DUSP22: variants seen among roughly 807,000 people sequenced by gnomAD.
DUSP22 encodes the protein dual specificity protein phosphatase 22.
DUSP22 carries 24 observed loss-of-function variants against 24.5 expected under a neutral mutation model. The ratio of observed to expected loss-of-function variants is 0.98; its 90% CI spans 0.71 to 1.38. DUSP22 has a LOEUF of 1.38. Ranked by LOEUF, DUSP22 falls within the 40% of genes most tolerant of loss-of-function variation. The probability of loss-of-function intolerance (pLI) is 0.00; values close to 1 mark genes in which losing one functional copy is unlikely to be tolerated. For synonymous variants in DUSP22, 160 were observed against 106.4 expected (o/e 1.50, Z -3.10); for missense variants, 330 against 269.2 (o/e 1.23, Z -1.58).
chr6:337,599 T>A (rs948835146), intron 4 of DUSP22, among the ~76,000 whole-genome samples: 1 of 152,304 alleles, frequency 6.6e-6, no homozygotes, highest in Non-Finnish European at 1.5e-5. Flanking sequence ...TCACCTTTGG[T>A]GCTGAAGGAC....
intron 1 of DUSP22, among the ~76,000 whole-genome samples, chr6:295,436 T>C (rs1757280121): frequency 6.6e-6 from 1 of 152,168 alleles, no homozygotes; most frequent in Admixed American, 6.5e-5. Context: ...ATACAGAAGA[T>C]GGAGGGGAAA....
rs140535527 is a variant in DUSP22 at position 311,902 on chromosome 6, G to A, written c.78G>A (p.Leu26=). Residue 26 remains leucine, a synonymous_variant, in exon 3 of 7, where the codon TTG becomes TTA. Transcript: ENST00000419235. ...CAGATGCCAGAGACGCGGAACAATT[G>A]AGCAAGAACAAGGTGACACATATTC... is the stretch of plus-strand genomic sequence containing the variant. The part of the protein sequence containing the change: ...NFKDARDAEQ[L]SKNKVTHILS... 5.2e-5 allele frequency: 84 copies of A among 1,611,710 alleles called. No homozygotes were observed. The African/African-American group carries it at 9.6e-4, about 18-fold the overall frequency.
intron 3 of DUSP22, among the ~76,000 whole-genome samples, chr6:322,617 C>T (rs765776193): frequency 1.4e-4 from 21 of 152,392 alleles, no homozygotes; most frequent in East Asian, 5.8e-4. Context: ...TTCTGTAAGG[C>T]GTTTGAAAGA....
intron 4 of DUSP22, among the ~76,000 whole-genome samples, chr6:335,397 C>T (rs1224092125): frequency 3.3e-5 from 5 of 152,302 alleles, no homozygotes; most frequent in Admixed American, 6.5e-5. Flanking sequence ...GACTCATGGG[C>T]TGTCCACAAG....
At position 329,843 on chromosome 6, in the gene DUSP22, A is replaced by G. The variant is rs528565515; in HGVS notation, c.139-5271A>G. Among the ~76,000 whole-genome samples the G allele has an allele frequency of 5.6e-4, 86 of 152,370 alleles. No homozygotes were observed. In the South Asian group the frequency reaches 9.8e-3, roughly 17 times the overall value. The stretch of plus-strand genomic sequence containing the variant: ...GAGTCTTCTGCTGTGTGTGTTTCTC[A>G]TCATAGTGTTACAAGCTGTGACCTT... On this transcript the variant is annotated intron_variant, in intron 3 of 6. Coordinates refer to ENST00000419235, the MANE Select transcript of DUSP22 (RefSeq NM_001286555.3).
intron 1 of DUSP22, among the ~76,000 whole-genome samples, chr6:302,844 G>T (rs1398566504): frequency 1.3e-5 from 2 of 152,304 alleles, no homozygotes; most frequent in South Asian, 4.1e-4. Context: ...AGGAACAAGG[G>T]TGGATGGAAA....
intron 1 of DUSP22, among the ~76,000 whole-genome samples, chr6:296,925 C>T (rs1437165560): frequency 6.6e-6 from 1 of 152,306 alleles, no homozygotes; most frequent in Non-Finnish European, 1.5e-5. Context: ...TTCCTCCCTG[C>T]TGTGTGTCCT....
At chr6:304,573 A>G (rs1757735594) in intron 1 of DUSP22, 55 bp from the exon 2 acceptor site, 1 of 1,613,320 alleles carries the variant, frequency 6.2e-7, no homozygotes. Context: ...CCCCTTCTGC[A>G]ATACCATCCA....
At chr6:338,328 T>C (rs1759452139) in intron 4 of DUSP22, among the ~76,000 whole-genome samples, 1 of 152,306 alleles carries the variant, frequency 6.6e-6, no homozygotes, top group Admixed American at 6.5e-5. Flanking sequence ...GAGTTTCTTT[T>C]TACCTGTTAC....
chr6:296,420 A>C lies in DUSP22; in HGVS notation c.21+3860A>C, dbSNP rs1476537677. ...GGTGAGTAGCAGAGCCTGGACTCAA[A>C]GCCACAGTCTGGCTCGGCCACAATG... On this transcript the variant is annotated intron_variant, in intron 1 of 6. Coordinates refer to ENST00000419235, the MANE Select transcript of DUSP22 (RefSeq NM_001286555.3). Among the ~76,000 whole-genome samples the C allele has an allele frequency of 6.6e-5, 10 of 152,412 alleles. No individual in the cohort carries two copies. In the East Asian group the frequency reaches 1.9e-3, roughly 29 times the overall value.
chr6:313,433 A>G (rs1319498198), intron 3 of DUSP22, among the ~76,000 whole-genome samples: 1 of 152,310 alleles, frequency 6.6e-6, no homozygotes, highest in African/African-American at 2.4e-5. Flanking sequence ...CGAGTAAAGC[A>G]GGTGGGTTTG....
chr6:304,444 C>A (rs1257461400), intron 1 of DUSP22, among the ~76,000 whole-genome samples, 184 bp from the exon 2 acceptor site: 1 of 152,308 alleles, frequency 6.6e-6, no homozygotes, highest in Non-Finnish European at 1.5e-5. Context: ...AGTCGATGGG[C>A]ACCAACCCAC....
In DUSP22 at chr6:345,901, T is replaced by C. The variant is rs2127421528; in HGVS notation, c.236T>C (p.Leu79Pro). The part of the protein sequence containing the change: ...ESIKFIHECR[L>P]RGESCLVHCL... The stretch of plus-strand genomic sequence containing the variant: ...ATTAAATTCATTCACGAGTGCCGGC[T>C]CCGCGGTGAGAGCTGCCTTGTACAC... Residue 79 changes from leucine to proline, a missense_variant, in exon 5 of 7, where the codon CTC becomes CCC. Physicochemically the swap from Leu to Pro is moderately conservative, Grantham distance 98. Transcript: ENST00000419235. 6.2e-7 allele frequency: 1 copy of C among 1,614,294 alleles called. No homozygotes were observed. The highest frequency in any genetic ancestry group is 2.2e-5 in the East Asian group (1 of 44,896).
intron 6 of DUSP22, 37 bp from the exon 7 acceptor site, chr6:348,732 G>T (rs781469494): frequency 2.5e-6 from 4 of 1,613,554 alleles, no homozygotes; most frequent in Admixed American, 1.7e-5. Context: ...ACGTGCACAT[G>T]TGTGTGACGT....
Position 319,094 on chromosome 6 carries a change from G to A in DUSP22, c.138+7132G>A, listed in dbSNP as rs1304664205. Among the ~76,000 whole-genome samples, 3 of 152,404 alleles carry A rather than the reference G, an allele frequency of 2.0e-5. No homozygotes were observed. In the South Asian group the frequency reaches 6.2e-4, roughly 32 times the overall value. ...GGTGATTTCCTAGAGAACTAGAATG[G>A]GAGGGGAGGGAGGGAAGGATGATTC... On this transcript the variant is annotated intron_variant, in intron 3 of 6. Coordinates refer to ENST00000419235, the MANE Select transcript of DUSP22 (RefSeq NM_001286555.3).
At chr6:296,124 C>G (rs898069519) in intron 1 of DUSP22, among the ~76,000 whole-genome samples, 1 of 152,428 alleles carries the variant, frequency 6.6e-6, no homozygotes, top group East Asian at 1.9e-4. Flanking sequence ...AAAATCACCT[C>G]CTCTCTTCCT....
At chr6:297,344 A>T (rs1757382235) in intron 1 of DUSP22, among the ~76,000 whole-genome samples, 1 of 152,306 alleles carries the variant, frequency 6.6e-6, no homozygotes, top group South Asian at 2.1e-4. Context: ...TGAAGTGCAA[A>T]TACAGTCTGT....
intron 2 of DUSP22, among the ~76,000 whole-genome samples, chr6:310,451 A>G (rs1449376075): frequency 6.6e-6 from 1 of 152,306 alleles, no homozygotes; most frequent in South Asian, 2.1e-4. Flanking sequence ...TTGGAAGGGA[A>G]TATAATTTTG....
At chr6:296,636 C>G (rs1757342743) in intron 1 of DUSP22, among the ~76,000 whole-genome samples, 1 of 152,296 alleles carries the variant, frequency 6.6e-6, no homozygotes, top group Non-Finnish European at 1.5e-5. Context: ...AACAAAACTC[C>G]TATCCTCACT....
Sources: gnomAD v4.1 joint callset for allele counts (sites outside exome capture counted in the v4.1 genomes callset) on GRCh38, gnomAD v4.1.1 for gene constraint, MANE v1.5 for transcripts, NCBI Gene and HGNC (gene_info 2026-07-23, HGNC 2026-07-21) for gene names.